TRIM44: variants seen among roughly 807,000 people sequenced by gnomAD.
TRIM44 encodes tripartite motif containing 44.
TRIM44 carries 13 observed loss-of-function variants against 37.4 expected under a neutral mutation model. That is an observed-to-expected ratio of 0.35 (90% CI 0.23 to 0.55). The LOEUF (loss-of-function observed/expected upper bound fraction) is 0.55, where lower values mean the gene tolerates loss of function less well. Among genes scored for constraint, TRIM44 ranks in the 20% least tolerant of loss-of-function variants. The pLI is 0.89. For missense variants in TRIM44, 426 were observed against 437.2 expected (o/e 0.97, Z 0.23); for synonymous variants, 175 against 157.2 (o/e 1.11, Z -0.85).
chr11:35,695,758 ATAACT>A (rs944610664), intron 2 of TRIM44, among the ~76,000 whole-genome samples: 22 of 152,178 alleles, frequency 1.4e-4, no homozygotes, highest in African/African-American at 4.8e-4. Flanking sequence ...GTGGTCTACA[ATAACT>A]TAACATAATA....
intron 4 of TRIM44, among the ~76,000 whole-genome samples, chr11:35,737,191 A>G (rs1852337650): frequency 6.6e-6 from 1 of 152,194 alleles, no homozygotes; most frequent in African/African-American, 2.4e-5. Flanking sequence ...CCAGTTCCAG[A>G]CAAGAGAGGA....
At chr11:35,794,045 C>T (rs1420448182) in intron 4 of TRIM44, among the ~76,000 whole-genome samples, 2 of 152,160 alleles carry the variant, frequency 1.3e-5, no homozygotes, top group Admixed American at 1.3e-4. Flanking sequence ...AGGCATCTCA[C>T]CCAAGGTTGT....
intron 1 of TRIM44, among the ~76,000 whole-genome samples, chr11:35,670,284 A>G (rs954114983): frequency 2.0e-5 from 3 of 152,158 alleles, no homozygotes; most frequent in African/African-American, 7.2e-5. Flanking sequence ...TGCTTATCCT[A>G]ATGTTAGAAC....
intron 2 of TRIM44, among the ~76,000 whole-genome samples, chr11:35,689,308 A>G (rs1851614879): frequency 6.6e-6 from 1 of 152,206 alleles, no homozygotes; most frequent in Non-Finnish European, 1.5e-5. Flanking sequence ...AATAGGGTAC[A>G]AGACCGAATG....
intron 2 of TRIM44, among the ~76,000 whole-genome samples, chr11:35,715,048 A>AG (rs1298038950): frequency 6.6e-6 from 1 of 152,222 alleles, no homozygotes; most frequent in Non-Finnish European, 1.5e-5. Flanking sequence ...AAGCAACTTA[A>AG]GAGCAAGCAT....
chr11:35,741,161 A>C (rs576331786), intron 4 of TRIM44, among the ~76,000 whole-genome samples: 1 of 152,244 alleles, frequency 6.6e-6, no homozygotes, highest in African/African-American at 2.4e-5. Flanking sequence ...AACTATCAGG[A>C]CTGCTTATTA....
intron 2 of TRIM44, among the ~76,000 whole-genome samples, chr11:35,724,091 CACTT>C (rs533464995): frequency 6.6e-6 from 1 of 152,150 alleles, no homozygotes; most frequent in Non-Finnish European, 1.5e-5. Context: ...GGGCTTATGA[CACTT>C]AGTCACTTGA....
intron 2 of TRIM44, among the ~76,000 whole-genome samples, chr11:35,704,703 G>A (rs909968128): frequency 6.6e-6 from 1 of 152,240 alleles, no homozygotes; most frequent in East Asian, 1.9e-4. Context: ...TTACAGACAA[G>A]CAAATGCTGA....
chr11:35,786,751 T>A (rs973872056), intron 4 of TRIM44, among the ~76,000 whole-genome samples: 4 of 152,078 alleles, frequency 2.6e-5, no homozygotes, highest in Admixed American at 6.5e-5. Flanking sequence ...ATAAATTTTT[T>A]AAAAAACACA....
At chr11:35,664,236 T>C (rs987134966) in intron 1 of TRIM44, among the ~76,000 whole-genome samples, 6 of 152,182 alleles carry the variant, frequency 3.9e-5, no homozygotes, top group Admixed American at 2.6e-4. Flanking sequence ...ACTAACAAAA[T>C]AGTTTTAATA....
chr11:35,686,036 T>G (rs1395553165), intron 2 of TRIM44, among the ~76,000 whole-genome samples: 2 of 152,190 alleles, frequency 1.3e-5, no homozygotes, highest in East Asian at 3.9e-4. Context: ...AGCACTAGCG[T>G]CTTATCTCTC....
chr11:35,663,727 G>T lies in TRIM44; in HGVS notation c.616G>T (p.Ala206Ser), dbSNP rs201122755. The T allele has an allele frequency of 4.1e-5, 66 of 1,613,946 alleles. No individual in the cohort carries two copies. Among genetic ancestry groups the T allele is most frequent in the African/African-American group, 1.5e-4 (11 of 74,896 alleles). Residue 206 changes from alanine to serine, a missense_variant, in exon 1 of 5, where the codon GCT becomes TCT. Coordinates refer to ENST00000299413, the MANE Select transcript of TRIM44 (RefSeq NM_017583.6). Reference sequence around the variant, plus strand: ...CTGTGTCCTGTGTCCAGTCATTGGGGCTCACCAGGGCCACCAACTCTCCAC... The same window carrying T: ...CTGTGTCCTGTGTCCAGTCATTGGGTCTCACCAGGGCCACCAACTCTCCAC... ...LICVLCPVIG[A>S]HQGHQLSTLD...
chr11:35,721,778 C>T (rs1020820754), intron 2 of TRIM44, among the ~76,000 whole-genome samples: 1 of 152,146 alleles, frequency 6.6e-6, no homozygotes, highest in Non-Finnish European at 1.5e-5. Context: ...TTATGTCTAC[C>T]GTGTTTCTAG....
intron 4 of TRIM44, among the ~76,000 whole-genome samples, chr11:35,760,709 A>G: frequency 6.6e-6 from 1 of 152,228 alleles, no homozygotes; most frequent in East Asian, 1.9e-4. Flanking sequence ...ATAGTACAAC[A>G]TGGTGTTTTG....
chr11:35,706,133 C>A (rs568333284), intron 2 of TRIM44, among the ~76,000 whole-genome samples: 1 of 149,128 alleles, frequency 6.7e-6, no homozygotes, highest in East Asian at 2.0e-4. Context: ...ACTACAAACA[C>A]CTCTACGCAA....
Position 35,725,913 on chromosome 11 carries a change from C to G in TRIM44, c.748-11C>G, listed in dbSNP as rs751146506. On this transcript the variant is annotated splice_polypyrimidine_tract_variant and intron_variant, in intron 2 of 4. Transcript: ENST00000299413. ...TTCAACTTATTCTTCTTATTTGTCT[C>G]TGTTCTAAAGGTAACTCGGGACCAA... 48 of 1,612,032 alleles carry G rather than the reference C, an allele frequency of 3.0e-5. 1 individual carries two copies. The highest frequency in any genetic ancestry group is 2.9e-4 in the East Asian group (13 of 44,818).
intron 1 of TRIM44, among the ~76,000 whole-genome samples, chr11:35,684,500 G>C (rs1203505950): frequency 6.6e-6 from 1 of 152,156 alleles, no homozygotes; most frequent in Non-Finnish European, 1.5e-5. Flanking sequence ...GCCACATACT[G>C]TGCTAATATC....
intron 4 of TRIM44, among the ~76,000 whole-genome samples, chr11:35,792,383 C>G (rs890471585): frequency 1.3e-5 from 2 of 152,186 alleles, no homozygotes; most frequent in African/African-American, 4.8e-5. Context: ...AATAGCTTTG[C>G]CAAAGTTACA....
chr11:35,662,979 G>A lies in TRIM44; in HGVS notation c.-133G>A. On this transcript the variant is annotated 5_prime_UTR_variant, in exon 1 of 5. Transcript: ENST00000299413. ...CTGCCGCGGCCCCAGGTCCCGCTTCGAGACGCGGCGCGGTCCAGGCGGGAG... is the reference window on the plus strand; with the variant it reads ...CTGCCGCGGCCCCAGGTCCCGCTTCAAGACGCGGCGCGGTCCAGGCGGGAG... 1 of 1,369,756 alleles carries A rather than the reference G, an allele frequency of 7.3e-7. No individual in the cohort carries two copies. The highest frequency in any genetic ancestry group is 9.4e-7 in the Non-Finnish European group (1 of 1,066,280). The allele number at this position is 1,369,756 out of a possible 1,614,324, so 84.9% of individuals were successfully genotyped here. A position where few individuals can be genotyped will look rare whatever the true frequency, so the allele number is the denominator to read the frequency against.
Sources: allele counts gnomAD v4.1 joint callset (sites outside exome capture counted in the v4.1 genomes callset), GRCh38; gene constraint gnomAD v4.1.1; transcripts MANE v1.5; gene names NCBI Gene and HGNC (gene_info 2026-07-23, HGNC 2026-07-21).